Variants in IL22RA1 observed in about 807,000 individuals in gnomAD.
IL22RA1 encodes the protein interleukin-22 receptor subunit alpha-1.
IL22RA1 carries 25 observed loss-of-function variants against 32.8 expected under a neutral mutation model. The ratio of observed to expected loss-of-function variants is 0.76; its 90% CI spans 0.55 to 1.06. The LOEUF is 1.06. IL22RA1 is among the 50% of genes least tolerant of loss of function. The pLI, the probability that IL22RA1 is intolerant of heterozygous loss-of-function variation, is 0.00. For missense variants in IL22RA1, 709 were observed against 727.4 expected (o/e 0.97, Z 0.29); for synonymous variants, 305 against 305.0 (o/e 1.00, Z 0.00).
Position 24,123,287 on chromosome 1 carries a change from G to T in IL22RA1, c.792+15C>A, listed in dbSNP as rs1644137885. The T allele has an allele frequency of 6.2e-7, 1 of 1,612,176 alleles. No homozygotes were observed. The highest frequency in any genetic ancestry group is 1.1e-5 in the South Asian group (1 of 90,804). On this transcript the variant is annotated intron_variant, in intron 6 of 6. Transcript: ENST00000270800. ...CCCCTGGACCTCTCCCTCCCACCCT[G>T]GGGGGATGGCTCACCAGGGAGTTGG...
intron 4 of IL22RA1, among the ~76,000 whole-genome samples, chr1:24,128,837 T>C (rs1379819860): frequency 6.6e-6 from 1 of 152,220 alleles, no homozygotes; most frequent in Admixed American, 6.5e-5. Flanking sequence ...TATAGGAATC[T>C]TTCTAAAAGA....
intron 4 of IL22RA1, among the ~76,000 whole-genome samples, chr1:24,130,478 A>G (rs529672215): frequency 6.6e-6 from 1 of 152,316 alleles, no homozygotes; most frequent in South Asian, 2.1e-4. Context: ...AAAAAAGAAG[A>G]GAGATTTCAG....
chr1:24,139,447 T>C (rs1557632083), intron 1 of IL22RA1, among the ~76,000 whole-genome samples: 1 of 152,214 alleles, frequency 6.6e-6, no homozygotes, highest in Non-Finnish European at 1.5e-5. Flanking sequence ...CTTGGGTATA[T>C]ATCTAAGAGT....
intron 4 of IL22RA1, among the ~76,000 whole-genome samples, chr1:24,130,641 C>A (rs1345880863): frequency 6.6e-6 from 1 of 152,134 alleles, no homozygotes; most frequent in African/African-American, 2.4e-5. Context: ...GAATATGCGA[C>A]CCATATTCAA....
intron 4 of IL22RA1, among the ~76,000 whole-genome samples, 194 bp from the exon 5 acceptor site, chr1:24,128,473 G>A (rs916374453): frequency 6.6e-6 from 1 of 151,660 alleles, no homozygotes; most frequent in African/African-American, 2.4e-5. Context: ...CCTTTCACTT[G>A]CAATAGTGTC....
chr1:24,133,371 T>C (rs1644219785), intron 4 of IL22RA1, among the ~76,000 whole-genome samples: 1 of 152,130 alleles, frequency 6.6e-6, no homozygotes, highest in South Asian at 2.1e-4. Context: ...TTTGAATTCT[T>C]GTTTTAACTT....
At chr1:24,133,778 G>A (rs1000650102) in intron 4 of IL22RA1, among the ~76,000 whole-genome samples, 2 of 152,120 alleles carry the variant, frequency 1.3e-5, no homozygotes, top group African/African-American at 4.8e-5. Flanking sequence ...ATAAATTCTG[G>A]AGAAATTGTA....
chr1:24,133,244 A>G (rs1390250911), intron 4 of IL22RA1, among the ~76,000 whole-genome samples: 2 of 151,924 alleles, frequency 1.3e-5, no homozygotes, highest in East Asian at 3.9e-4. Flanking sequence ...GCCAGGTAAT[A>G]TATGCATATT....
At chr1:24,140,039 C>A (rs912745547) in intron 1 of IL22RA1, among the ~76,000 whole-genome samples, 1 of 152,342 alleles carries the variant, frequency 6.6e-6, no homozygotes, top group Non-Finnish European at 1.5e-5. Context: ...TGCCTCATCT[C>A]TAAAATGGAT....
intron 5 of IL22RA1, chr1:24,123,665 C>G: frequency 1.1e-6 from 1 of 900,464 alleles, no homozygotes; most frequent in East Asian, 4.1e-5. Flanking sequence ...TCCACCTTAA[C>G]AAAAAGATTT....
In IL22RA1 at chr1:24,120,668, C is replaced by T; in HGVS notation, c.*137G>A. The T allele has an allele frequency of 1.2e-6, 1 of 804,970 alleles. No homozygotes were observed. Among genetic ancestry groups the T allele is most frequent in the South Asian group, 1.9e-5 (1 of 51,896 alleles). 49.9% of individuals were successfully genotyped at this position (804,970 alleles called of 1,614,324 possible). ...CCCATGGCAGGGGCCCTGCATGCCA[C>T]TCCCTCTGCTTCTCTCAAGGGCACC... On this transcript the variant is annotated 3_prime_UTR_variant, in exon 7 of 7. Coordinates refer to ENST00000270800, the MANE Select transcript of IL22RA1 (RefSeq NM_021258.4).
Position 24,120,790 on chromosome 1 carries a change from C to G in IL22RA1, c.*15G>C. ...GTAGGGACAGGGAGGAAGCACCAAGCCTTTCCCATTCCCCTCAGGACTCCC... is the reference window on the plus strand; with the variant it reads ...GTAGGGACAGGGAGGAAGCACCAAGGCTTTCCCATTCCCCTCAGGACTCCC... On this transcript the variant is annotated 3_prime_UTR_variant, in exon 7 of 7. Transcript: ENST00000270800. 1 of 1,573,644 alleles carries G rather than the reference C, an allele frequency of 6.4e-7. No homozygotes were observed. The highest frequency in any genetic ancestry group is 1.2e-5 in the South Asian group (1 of 84,718).
In IL22RA1 at chr1:24,137,434, T is replaced by C. The variant is rs995856773; in HGVS notation, c.177-125A>G. ...CACGTTCAGTGGCCCAGGCCCTTTA[T>C]GCGAATGATCTCATTTTGTTCTCAC... is the stretch of plus-strand genomic sequence containing the variant. On this transcript the variant is annotated intron_variant, in intron 2 of 6. Transcript: ENST00000270800. 5.3e-6 allele frequency: 4 copies of C among 749,446 alleles called. No individual in the cohort carries two copies. In the East Asian group the frequency reaches 1.1e-4, roughly 20 times the overall value. The allele number at this position is 749,446 out of a possible 1,614,324, so 46.4% of individuals were successfully genotyped here.
intron 3 of IL22RA1, among the ~76,000 whole-genome samples, chr1:24,135,731 C>T (rs905204696): frequency 7.9e-5 from 12 of 152,100 alleles, no homozygotes; most frequent in African/African-American, 2.9e-4. Flanking sequence ...AAATGAGAAC[C>T]AAGCAAAGGG....
chr1:24,127,936 G>C (rs1318879411), intron 5 of IL22RA1, among the ~76,000 whole-genome samples: 4 of 152,182 alleles, frequency 2.6e-5, no homozygotes, highest in African/African-American at 9.7e-5. Context: ...ACATAGGCTG[G>C]AGGGTGAGAA....
chr1:24,125,613 G>A (rs1372185270), intron 5 of IL22RA1, among the ~76,000 whole-genome samples: 3 of 152,072 alleles, frequency 2.0e-5, no homozygotes, highest in Non-Finnish European at 2.9e-5. Context: ...CAAAGTGGTG[G>A]GTAGAGCCCA....
chr1:24,128,432 C>G (rs1644180195), intron 4 of IL22RA1, among the ~76,000 whole-genome samples, 153 bp from the exon 5 acceptor site: 2 of 152,052 alleles, frequency 1.3e-5, no homozygotes, highest in Non-Finnish European at 2.9e-5. Flanking sequence ...CTGCTTTATC[C>G]CCAAATCCAA....
At chr1:24,127,803 C>CT (rs1644175888) in intron 5 of IL22RA1, among the ~76,000 whole-genome samples, 1 of 152,130 alleles carries the variant, frequency 6.6e-6, no homozygotes, top group Non-Finnish European at 1.5e-5. Flanking sequence ...ATTGAGGGAT[C>CT]TTTTTATCTT....
Position 24,137,263 on chromosome 1 carries a change from T to C in IL22RA1, c.223A>G (p.Thr75Ala), listed in dbSNP as rs770672223. 2.5e-6 allele frequency: 4 copies of C among 1,614,118 alleles called. No individual in the cohort carries two copies. Among genetic ancestry groups the C allele is most frequent in the African/African-American group, 1.3e-5 (1 of 75,038 alleles). ...WVAKKGCQRI[T>A]RKSCNLTVET... ...ACCGTCAGGTTGCAGGACTTCCGGG[T>C]GATCCGCTGACAGCCCTTCTTTGCC... The change falls in exon 3 of 7, where the codon ACC becomes GCC. Residue 75 changes from threonine (T) to alanine (A), a missense_variant. Physicochemically the swap from Thr to Ala is moderately conservative, Grantham distance 58 (BLOSUM62 0). Coordinates refer to ENST00000270800, the MANE Select transcript of IL22RA1 (RefSeq NM_021258.4).
Sources: gnomAD v4.1 joint callset for allele counts (sites outside exome capture counted in the v4.1 genomes callset) on GRCh38, gnomAD v4.1.1 for gene constraint, MANE v1.5 for transcripts, NCBI Gene and HGNC (gene_info 2026-07-23, HGNC 2026-07-21) for gene names.